The following ATG2B variants were observed in gnomAD, a reference collection of about 807,000 sequenced individuals.
ATG2B encodes autophagy-related protein 2 homolog B.
ATG2B carries 121 observed loss-of-function variants against 241.3 expected under a neutral mutation model. The ratio of observed to expected loss-of-function variants is 0.50; its 90% CI spans 0.43 to 0.58. The LOEUF (loss-of-function observed/expected upper bound fraction) is 0.58. Ranked by LOEUF, ATG2B falls within the 20% of genes least tolerant of loss-of-function variation. ATG2B has a pLI of 0.00. For synonymous variants in ATG2B, 858 were observed against 876.6 expected, an observed-to-expected ratio of 0.98 and a Z score of 0.37; for missense variants, 2,306 against 2,491.6, an observed-to-expected ratio of 0.93 and a Z score of 1.59.
At chr14:96,312,351 T>C (rs1374676488) in intron 25 of ATG2B, among the ~76,000 whole-genome samples, 192 bp from the exon 26 acceptor site, 1 of 152,230 alleles carries the variant, frequency 6.6e-6, no homozygotes, top group Non-Finnish European at 1.5e-5. Flanking sequence ...ATTTAAATGG[T>C]GTAAAGAATT....
intron 10 of ATG2B, 143 bp downstream of exon 10, chr14:96,332,162 T>A: frequency 1.6e-6 from 1 of 616,460 alleles, no homozygotes. Flanking sequence ...CACAGTGAAT[T>A]GTTTAACAAT....
intron 2 of ATG2B, 123 bp from the exon 3 acceptor site, chr14:96,345,508 G>T (rs1357484198): frequency 9.7e-6 from 6 of 617,852 alleles, no homozygotes; most frequent in Non-Finnish European, 1.5e-5. Flanking sequence ...ACATCATGAT[G>T]TTACCCAGGT....
At chr14:96,356,459 A>C (rs1413331830) in intron 1 of ATG2B, among the ~76,000 whole-genome samples, 2 of 152,168 alleles carry the variant, frequency 1.3e-5, no homozygotes, top group African/African-American at 2.4e-5. Context: ...AAGCAAAATC[A>C]TGTGTTAACA....
In ATG2B at chr14:96,332,608, G is replaced by C; in HGVS notation, c.1255C>G (p.Leu419Val). 6.2e-7 allele frequency: 1 copy of C among 1,604,094 alleles called. No homozygotes were observed. The change falls in exon 9 of 42, where the codon CTC becomes GTC. Residue 419 changes from leucine to valine, a missense_variant. Around this residue, in one of 2 missense-constraint regions of ATG2B, gnomAD observed 1,927 missense variants for 2,011.2 expected, o/e 0.96. Transcript: ENST00000359933. ...SMADMDMSHS[L>V]SSLPPLGDPP... The stretch of plus-strand genomic sequence containing the variant: ...TCCCCAAGGGGTGGAAGAGAAGAGA[G>C]ACTATGAGACATGTCCATATCAGCC...
rs143451279 is a variant in ATG2B at position 96,312,110 on chromosome 14, C to A, written c.3892G>T (p.Val1298Phe). ...ALHLSDKCNT[V>F]TINLSRDYVR... ...TTACCTCTACTCAGATTTATAGTGA[C>A]AGTATTGCATTTGTCAGATAGATGT... Residue 1298 changes from valine (V) to phenylalanine (F), a missense_variant, in exon 26 of 42, where the codon GTC becomes TTC. Physicochemically the swap from Val to Phe is conservative, Grantham distance 50. This residue lies in a region of ATG2B where 1,927 missense variants were observed against 2,011.2 expected (regional missense o/e 0.96). Coordinates refer to ENST00000359933, the MANE Select transcript of ATG2B (RefSeq NM_018036.7). 3.0e-5 allele frequency: 48 copies of A among 1,603,998 alleles called. No homozygotes were observed. The highest frequency in any genetic ancestry group is 3.8e-5 in the Non-Finnish European group (45 of 1,176,920).
At chr14:96,314,302 T>A (rs1887243567) in intron 23 of ATG2B, among the ~76,000 whole-genome samples, 1 of 152,234 alleles carries the variant, frequency 6.6e-6, no homozygotes, top group Non-Finnish European at 1.5e-5. Context: ...TGCACTAGTT[T>A]TCATTCTCAC....
At chr14:96,360,933 C>CAAAAAAAA (rs35630598) in intron 1 of ATG2B, among the ~76,000 whole-genome samples, 4 of 73,684 alleles carry the variant, frequency 5.4e-5, no homozygotes, top group Non-Finnish European at 7.5e-5. Flanking sequence ...AATCCTCTAC[C>CAAAAAAAA]AAAAAAAAAA....
At position 96,363,332 on chromosome 14, in the gene ATG2B, T is replaced by C. The variant is rs1056775552; in HGVS notation, c.-356A>G. 13 of 248,138 alleles carry C rather than the reference T, an allele frequency of 5.2e-5. No homozygotes were observed. The highest frequency in any genetic ancestry group is 8.0e-5 in the Non-Finnish European group (10 of 125,434). 15.4% of individuals were successfully genotyped at this position (248,138 alleles called of 1,614,324 possible). ...ATTTGTTGTCATCCGCGAGGCGCGT[T>C]CCCGGCTGTAGGGACGCTCCTGGCG... On this transcript the variant is annotated 5_prime_UTR_variant, in exon 1 of 42. Transcript: ENST00000359933.
At chr14:96,318,770 T>C (rs562909663) in intron 18 of ATG2B, among the ~76,000 whole-genome samples, 6 of 152,196 alleles carry the variant, frequency 3.9e-5, no homozygotes, top group African/African-American at 1.4e-4. Context: ...ATCCTCGAAG[T>C]TTTCAAGAAA....
intron 34 of ATG2B, among the ~76,000 whole-genome samples, chr14:96,298,491 A>C (rs543052277): frequency 1.3e-5 from 2 of 152,324 alleles, no homozygotes; most frequent in South Asian, 4.1e-4. Flanking sequence ...AAATTTCCTA[A>C]CAGCTTTATT....
intron 1 of ATG2B, among the ~76,000 whole-genome samples, chr14:96,354,572 G>A (rs533212180): frequency 1.1e-3 from 174 of 152,302 alleles, no homozygotes; most frequent in Admixed American, 3.5e-3. Flanking sequence ...CAACAGTACT[G>A]CAATGAACAT....
At chr14:96,350,678 TTGTC>T (rs1173393478) in intron 1 of ATG2B, among the ~76,000 whole-genome samples, 2 of 152,366 alleles carry the variant, frequency 1.3e-5, no homozygotes, top group East Asian at 3.9e-4. Flanking sequence ...GTATAATTCT[TTGTC>T]TGTACCCTAG....
rs117809301 is a variant in ATG2B, at chr14:96,315,836, T to C, written c.3362-253A>G. Among the ~76,000 whole-genome samples the C allele has an allele frequency of 4.2e-3, 644 of 152,186 alleles. 26 individuals are homozygous for C. In the South Asian group the frequency reaches 0.066, roughly 16 times the overall value. The stretch of plus-strand genomic sequence containing the variant: ...ATTAAATAGAAAACTATCACAAACA[T>C]CTCATGTCTATGAAACAAGGTAAAC... On this transcript the variant is annotated intron_variant, in intron 21 of 41. Coordinates refer to ENST00000359933, the MANE Select transcript of ATG2B (RefSeq NM_018036.7).
At position 96,294,951 on chromosome 14, in the gene ATG2B, A is replaced by G; in HGVS notation, c.5426+9T>C. 6.2e-7 allele frequency: 1 copy of G among 1,611,420 alleles called. No individual in the cohort carries two copies. Among genetic ancestry groups the G allele is most frequent in the Non-Finnish European group, 8.5e-7 (1 of 1,177,962 alleles). ...TAACTTCATTTGTTATTAAAACTAA[A>G]TTAGTTACCTAAAAAACACAGGCTG... is the stretch of plus-strand genomic sequence containing the variant. On this transcript the variant is annotated intron_variant, in intron 36 of 41. Transcript: ENST00000359933.
chr14:96,326,624 A>G (rs1887593974), intron 14 of ATG2B, among the ~76,000 whole-genome samples: 1 of 152,208 alleles, frequency 6.6e-6, no homozygotes, highest in Admixed American at 6.5e-5. Context: ...ATTGAAACTA[A>G]AAAAGCTTTA....
chr14:96,321,947 T>C (rs1284901400), intron 18 of ATG2B, among the ~76,000 whole-genome samples, 165 bp downstream of exon 18: 1 of 152,108 alleles, frequency 6.6e-6, no homozygotes, highest in Non-Finnish European at 1.5e-5. Flanking sequence ...AACTCTGCTA[T>C]GACAATAGCA....
chr14:96,308,255 C>CATAT (rs1162236859), intron 29 of ATG2B, among the ~76,000 whole-genome samples: 10 of 29,364 alleles, frequency 3.4e-4, no homozygotes, highest in Admixed American at 1.1e-3. Context: ...TATATATACA[C>CATAT]ACATATATAT....
At chr14:96,308,970 G>A (rs943834641) in intron 29 of ATG2B, among the ~76,000 whole-genome samples, 1 of 152,172 alleles carries the variant, frequency 6.6e-6, no homozygotes, top group African/African-American at 2.4e-5. Context: ...TGAGGCTCAT[G>A]CATGCCTTTG....
chr14:96,317,306 C>G lies in ATG2B; in HGVS notation c.3049G>C (p.Gly1017Arg), dbSNP rs1442122824. Residue 1017 changes from glycine (G) to arginine (R), a missense_variant, in exon 20 of 42, where the codon GGA (glycine) becomes CGA (arginine). Coordinates refer to ENST00000359933, the MANE Select transcript of ATG2B (RefSeq NM_018036.7). ...TACTGCAAAGTCTCCTCCTCAGATC[C>G]ACTTTCCTCATCTATGAGAAATAAA... ...KSAVHYDEESGSEEETLQYFS... is the reference protein window; with the variant it reads ...KSAVHYDEESRSEEETLQYFS... 3.0e-5 allele frequency: 48 copies of G among 1,610,722 alleles called. No individual in the cohort carries two copies. The highest frequency in any genetic ancestry group is 4.0e-5 in the Non-Finnish European group (47 of 1,178,698).
Sources: gnomAD v4.1 joint callset for allele counts (sites outside exome capture counted in the v4.1 genomes callset) on GRCh38, gnomAD v4.1.1 for gene constraint, gnomAD v4.1.1 regional missense constraint, MANE v1.5 for transcripts, NCBI Gene and HGNC (gene_info 2026-07-23, HGNC 2026-07-21) for gene names.